Variants in WDHD1 observed in about 807,000 individuals in gnomAD.
WDHD1 encodes the protein WD repeat and HMG-box DNA-binding protein 1.
WDHD1 carries 111 observed loss-of-function variants against 135.4 expected under a neutral mutation model. The observed-to-expected ratio is 0.82, with a 90% CI of 0.70 to 0.96. The LOEUF is 0.96. WDHD1 is among the 40% of genes least tolerant of loss of function. The pLI is 0.00. For synonymous variants in WDHD1, 434 were observed against 439.0 expected (o/e 0.99, Z 0.14); for missense variants, 1,351 against 1,336.3 (o/e 1.01, Z -0.17).
intron 24 of WDHD1, among the ~76,000 whole-genome samples, chr14:54,949,545 C>A (rs1415853421): frequency 6.6e-6 from 1 of 151,754 alleles, no homozygotes; most frequent in African/African-American, 2.4e-5. Context: ...CTGAAAGTGA[C>A]AGGGAGAATG....
At chr14:54,987,429 G>C (rs2041711638) in intron 13 of WDHD1, 42 bp from the exon 14 acceptor site, 3 of 1,506,656 alleles carry the variant, frequency 2.0e-6, no homozygotes, top group Admixed American at 1.8e-5. Flanking sequence ...ACTTTCATAT[G>C]ATATTTACAT....
intron 2 of WDHD1, among the ~76,000 whole-genome samples, chr14:55,023,666 A>G (rs1440172427): frequency 1.3e-5 from 2 of 152,214 alleles, no homozygotes; most frequent in African/African-American, 4.8e-5. Context: ...GGGATAGGCA[A>G]TTTACTGGAG....
chr14:54,956,898 A>G (rs1307192048), intron 23 of WDHD1, 136 bp downstream of exon 23: 1 of 1,108,990 alleles, frequency 9.0e-7, no homozygotes. Context: ...CTGCAAAAAC[A>G]GAATTGAACC....
intron 16 of WDHD1, 38 bp downstream of exon 16, chr14:54,981,502 T>C: frequency 1.3e-6 from 2 of 1,590,732 alleles, no homozygotes; most frequent in Non-Finnish European, 1.7e-6. Flanking sequence ...ACATACTTTT[T>C]AAAAAGAGTC....
Position 54,940,061 on chromosome 14 carries a change from G to A in WDHD1, c.*1429C>T, listed in dbSNP as rs569915498. 2 of 152,168 alleles carry A rather than the reference G, an allele frequency of 1.3e-5. No individual in the cohort carries two copies. Among genetic ancestry groups the A allele is most frequent in the South Asian group, 4.1e-4 (2 of 4,824 alleles). The allele number at this position is 152,168 out of a possible 1,614,324, so 9.4% of individuals were successfully genotyped here. A position where few individuals can be genotyped will look rare whatever the true frequency, so the allele number is the denominator to read the frequency against. ...ACAAAGCAAGATGAAATAACCAACA[G>A]CATCATCATTATCAGAATAGTAACT... On this transcript the variant is annotated 3_prime_UTR_variant, in exon 26 of 26. Transcript: ENST00000360586.
In WDHD1 at chr14:54,957,054, G is replaced by C; in HGVS notation, c.2896C>G (p.Pro966Ala). Reference protein sequence around the residue: ...EKSPIIKPLIPKPKPKQASAA... With the variant: ...EKSPIIKPLIAKPKPKQASAA... The stretch of plus-strand genomic sequence containing the variant: ...AGTACCTGCTTAGGCTTCGGCTTTG[G>C]AATCAGAGGCTTTATAATGGGAGAC... The change falls in exon 23 of 26, where the codon CCA (proline) becomes GCA (alanine). Residue 966 changes from proline (P) to alanine (A), a missense_variant. Pro to Ala is a conservative substitution (Grantham distance 27). Transcript: ENST00000360586. The C allele has an allele frequency of 6.2e-7, 1 of 1,613,892 alleles. No individual in the cohort carries two copies. The highest frequency in any genetic ancestry group is 8.5e-7 in the Non-Finnish European group (1 of 1,179,912).
intron 11 of WDHD1, among the ~76,000 whole-genome samples, chr14:54,995,045 G>T (rs542302947): frequency 6.6e-6 from 1 of 152,056 alleles, no homozygotes; most frequent in African/African-American, 2.4e-5. Context: ...CAGTTGACGC[G>T]ATCTCGGCTC....
chr14:55,025,441 T>C (rs944504775), intron 2 of WDHD1, among the ~76,000 whole-genome samples: 1 of 152,168 alleles, frequency 6.6e-6, no homozygotes, highest in African/African-American at 2.4e-5. Flanking sequence ...TTTTCTTTCC[T>C]AAGTCTCTCG....
chr14:54,986,703 GCA>G (rs1249680549), intron 14 of WDHD1, among the ~76,000 whole-genome samples: 2 of 152,108 alleles, frequency 1.3e-5, no homozygotes, highest in African/African-American at 4.8e-5. Flanking sequence ...TTTTAAAAAA[GCA>G]CAGAGATTAT....
chr14:54,951,237 T>G (rs541771464), intron 24 of WDHD1, among the ~76,000 whole-genome samples: 2,865 of 151,256 alleles, frequency 0.019, 68 homozygotes, highest in African/African-American at 0.057. Flanking sequence ...TCAATAAAAC[T>G]GATAGACCGC....
intron 2 of WDHD1, among the ~76,000 whole-genome samples, chr14:55,025,717 C>G (rs911582466): frequency 6.6e-6 from 1 of 152,228 alleles, no homozygotes; most frequent in Non-Finnish European, 1.5e-5. Flanking sequence ...TTCACAGATT[C>G]ATCTCTCACT....
intron 24 of WDHD1, among the ~76,000 whole-genome samples, chr14:54,947,706 C>T (rs1312681720): frequency 6.6e-6 from 1 of 151,954 alleles, no homozygotes; most frequent in Non-Finnish European, 1.5e-5. Context: ...ATTCTCCTGC[C>T]TCAGCCTCCC....
chr14:54,952,445 G>C (rs567819420), intron 24 of WDHD1, among the ~76,000 whole-genome samples: 35 of 152,224 alleles, frequency 2.3e-4, no homozygotes, highest in African/African-American at 7.2e-4. Context: ...GGGATGTGAA[G>C]GACCTCTTCA....
At chr14:55,008,788 C>G in intron 4 of WDHD1, 69 bp from the exon 5 acceptor site, 1 of 1,067,472 alleles carries the variant, frequency 9.4e-7, no homozygotes, top group Non-Finnish European at 1.4e-6. Context: ...AGCTATGATC[C>G]AAATATTTCT....
intron 21 of WDHD1, among the ~76,000 whole-genome samples, chr14:54,959,526 G>C (rs1226076971): frequency 1.3e-5 from 2 of 152,114 alleles, no homozygotes; most frequent in Non-Finnish European, 2.9e-5. Context: ...ATTTTGGGAG[G>C]CTAAGGCAGG....
chr14:55,005,646 C>T, intron 7 of WDHD1: 1 of 580,018 alleles, frequency 1.7e-6, no homozygotes, highest in Non-Finnish European at 3.3e-6. Flanking sequence ...AACTTAAGGA[C>T]ATCCTCCTCC....
Position 54,991,244 on chromosome 14 carries a change from G to C in WDHD1, c.1310C>G (p.Ser437Cys). The C allele has an allele frequency of 6.2e-7, 1 of 1,609,802 alleles. No homozygotes were observed. Among genetic ancestry groups the C allele is most frequent in the Non-Finnish European group, 8.5e-7 (1 of 1,176,084 alleles). The change falls in exon 12 of 26, where the codon TCT becomes TGT. Residue 437 changes from serine (S) to cysteine (C), a missense_variant. Transcript: ENST00000360586. The stretch of plus-strand genomic sequence containing the variant: ...TCTGTGAGTGAGATGCAACGGTGTA[G>C]AACCTGACTGAAATGGCTTTTGCCG... ...TPRQKPFQSG[S>C]TPLHLTHRFM...
chr14:55,016,554 C>A (rs1199523554), intron 2 of WDHD1, among the ~76,000 whole-genome samples: 2 of 152,190 alleles, frequency 1.3e-5, no homozygotes, highest in African/African-American at 4.8e-5. Flanking sequence ...TCTACTCCTG[C>A]AGAAGGTGAT....
chr14:54,952,880 T>C (rs1200245228), intron 24 of WDHD1, among the ~76,000 whole-genome samples: 1 of 152,184 alleles, frequency 6.6e-6, no homozygotes, highest in Non-Finnish European at 1.5e-5. Flanking sequence ...GGGGAAAGGA[T>C]TCCCTATTTA....
Sources: allele counts gnomAD v4.1 joint callset (sites outside exome capture counted in the v4.1 genomes callset), GRCh38; gene constraint gnomAD v4.1.1; transcripts MANE v1.5; gene names NCBI Gene and HGNC (gene_info 2026-07-23, HGNC 2026-07-21).